ARAP1: variants seen among roughly 807,000 people sequenced by gnomAD.
ARAP1 encodes the protein ArfGAP with RhoGAP domain, ankyrin repeat and PH domain 1.
Under a neutral mutation model 172.2 loss-of-function variants are expected in ARAP1, and 76 were observed. That is an observed-to-expected ratio of 0.44 (90% CI 0.37 to 0.53). ARAP1 has a LOEUF of 0.53. Among genes scored for constraint, ARAP1 ranks in the 20% least tolerant of loss-of-function variants. The pLI is 0.00. For synonymous variants in ARAP1, 804 were observed against 803.3 expected, an observed-to-expected ratio of 1.00 and a Z score of -0.01; for missense variants, 1,686 against 1,977.5, an observed-to-expected ratio of 0.85 and a Z score of 2.80.
At chr11:72,747,779 G>A (rs764475971) in intron 1 of ARAP1, among the ~76,000 whole-genome samples, 29 of 152,330 alleles carry the variant, frequency 1.9e-4, no homozygotes, top group East Asian at 5.8e-4. Context: ...CCAGGGCCAC[G>A]GGGGCTCAGG....
chr11:72,733,551 C>T lies in ARAP1; in HGVS notation c.-127-954G>A, dbSNP rs117750756. Among the ~76,000 whole-genome samples the T allele has an allele frequency of 4.4e-3, 667 of 152,260 alleles. 4 individuals carry two copies. The highest frequency in any genetic ancestry group is 6.8e-3 in the Non-Finnish European group (460 of 68,020). ...AGAATAGGATATTCCTGACAGGCCA[C>T]CACCCTTGCTATGCAGACAGCCGGA... On this transcript the variant is annotated intron_variant, in intron 1 of 34. Coordinates refer to ENST00000393609, the MANE Select transcript of ARAP1 (RefSeq NM_001040118.3).
chr11:72,728,043 A>G (rs1857750789), intron 2 of ARAP1, among the ~76,000 whole-genome samples: 1 of 152,266 alleles, frequency 6.6e-6, no homozygotes, highest in South Asian at 2.1e-4. Context: ...AAATCTTACT[A>G]AAACAGAAAT....
intron 32 of ARAP1, 65 bp downstream of exon 32, chr11:72,687,623 C>T: frequency 6.2e-7 from 1 of 1,613,182 alleles, no homozygotes. Context: ...ATGAGGGACA[C>T]AATGAAGGGG....
At chr11:72,701,214 G>A (rs1205942692) in intron 16 of ARAP1, among the ~76,000 whole-genome samples, 1 of 151,628 alleles carries the variant, frequency 6.6e-6, no homozygotes, top group African/African-American at 2.4e-5. Flanking sequence ...CCGGCAGAGT[G>A]ATTAGGGGGG....
At chr11:72,707,912 C>T (rs191729140) in intron 11 of ARAP1, among the ~76,000 whole-genome samples, 60 of 152,030 alleles carry the variant, frequency 3.9e-4, no homozygotes, top group African/African-American at 5.5e-4. Flanking sequence ...AAGACTCCTC[C>T]GCCATCCCTA....
chr11:72,686,302 C>G (rs777095706), intron 33 of ARAP1, 111 bp from the exon 34 acceptor site: 56 of 1,387,654 alleles, frequency 4.0e-5, no homozygotes, highest in Non-Finnish European at 4.9e-5. Flanking sequence ...TGAGATGACA[C>G]CCTCAGCTTT....
chr11:72,736,095 T>C (rs1204501979), intron 1 of ARAP1, among the ~76,000 whole-genome samples: 1 of 152,252 alleles, frequency 6.6e-6, no homozygotes, highest in Non-Finnish European at 1.5e-5. Flanking sequence ...TGTTCCTCTC[T>C]TAATTTAAAA....
At chr11:72,696,908 C>T in intron 22 of ARAP1, 75 bp downstream of exon 22, 1 of 1,458,314 alleles carries the variant, frequency 6.9e-7, no homozygotes, top group Non-Finnish European at 9.3e-7. Flanking sequence ...AGTGCAAGTG[C>T]CACAAGGGAA....
chr11:72,717,764 T>A (rs542436088), intron 3 of ARAP1, among the ~76,000 whole-genome samples: 1 of 152,366 alleles, frequency 6.6e-6, no homozygotes, highest in East Asian at 1.9e-4. Context: ...CACAGCGCTC[T>A]GTAAGGCTTG....
chr11:72,719,942 C>T (rs575521960), intron 3 of ARAP1, among the ~76,000 whole-genome samples: 6 of 152,322 alleles, frequency 3.9e-5, no homozygotes, highest in Admixed American at 1.3e-4. Context: ...TCCCCACTAT[C>T]GCAGGCCTCC....
rs931034621 is a variant in ARAP1 at position 72,699,217 on chromosome 11, G to C, written c.2439-110C>G. 2 of 1,423,286 alleles carry C rather than the reference G, an allele frequency of 1.4e-6. No homozygotes were observed. Among genetic ancestry groups the C allele is most frequent in the Admixed American group, 1.8e-5 (1 of 55,606 alleles). 88.2% of individuals were successfully genotyped at this position (1,423,286 alleles called of 1,614,324 possible). ...CCCCCTCCGCACTGCCTTGGCGCTT[G>C]TCCTTATTCTGGTCCCCTAAGAGGT... On this transcript the variant is annotated intron_variant, in intron 17 of 34. Coordinates refer to ENST00000393609, the MANE Select transcript of ARAP1 (RefSeq NM_001040118.3). The surrounding 1 kb of genome is among the most constrained non-coding windows in gnomAD (Gnocchi z 4.2).
chr11:72,712,366 C>A, intron 6 of ARAP1, 27 bp from the exon 7 acceptor site: 1 of 1,541,668 alleles, frequency 6.5e-7, no homozygotes, highest in South Asian at 1.2e-5. Flanking sequence ...GGATGGGGGG[C>A]CGGGCTGAGG....
chr11:72,743,508 G>A (rs1858266651), intron 1 of ARAP1, among the ~76,000 whole-genome samples: 1 of 152,168 alleles, frequency 6.6e-6, no homozygotes, highest in Admixed American at 6.5e-5. Flanking sequence ...CTTTGGTCAG[G>A]GCCTGACCCC....
Position 72,697,485 on chromosome 11 carries a change from T to C in ARAP1, c.2791A>G (p.Thr931Ala), listed in dbSNP as rs758216839. The change falls in exon 21 of 35, where the codon ACA (threonine) becomes GCA (alanine). Residue 931 changes from threonine to alanine, a missense_variant and splice_region_variant. Physicochemically the swap from Thr to Ala is moderately conservative, Grantham distance 58. This residue lies in a region of ARAP1 where 274 missense variants were observed against 262.7 expected (regional missense o/e 1.04). Coordinates refer to ENST00000393609, the MANE Select transcript of ARAP1 (RefSeq NM_001040118.3). ...QVLVLVERRR[T>A]LYIQGERRLD... ...CGCCGCTCGCCCTGTATGTACAGTG[T>C]CCTGGGCCAGGGACAGTCAGTCACT... is the stretch of plus-strand genomic sequence containing the variant. The C allele has an allele frequency of 6.2e-6, 10 of 1,612,910 alleles. No individual in the cohort carries two copies. The African/African-American group carries it at 1.2e-4, about 19-fold the overall frequency.
chr11:72,693,600 C>T lies in ARAP1; in HGVS notation c.3808+92G>A. On this transcript the variant is annotated intron_variant, in intron 28 of 34. Coordinates refer to ENST00000393609, the MANE Select transcript of ARAP1 (RefSeq NM_001040118.3). This position sits in a 1 kb window ranked among gnomAD's most constrained non-coding sequence, Gnocchi z 4.6. ...GGCCCACCCACTTGGCGCCCTCTGT[C>T]TGAGCTGTTCCTACCTGGCACCACC... The T allele has an allele frequency of 1.3e-6, 2 of 1,531,400 alleles. No individual in the cohort carries two copies. Among genetic ancestry groups the T allele is most frequent in the Non-Finnish European group, 8.8e-7 (1 of 1,133,488 alleles). The allele number at this position is 1,531,400 out of a possible 1,614,324, so 94.9% of individuals were successfully genotyped here.
At chr11:72,696,472 A>C in intron 23 of ARAP1, 77 bp downstream of exon 23, 1 of 1,192,700 alleles carries the variant, frequency 8.4e-7, no homozygotes, top group Non-Finnish European at 1.2e-6. Context: ...CTCCCAGAGG[A>C]GGGTAGTCAG....
In ARAP1 at chr11:72,714,142, C is replaced by T. The variant is rs1591211778; in HGVS notation, c.679+10G>A. ...CACCCAGAGCCCCATCTCCTGGCTG[C>T]AGCACTCACCGAACTCTGGGAACAG... is the stretch of plus-strand genomic sequence containing the variant. On this transcript the variant is annotated intron_variant, in intron 4 of 34. Coordinates refer to ENST00000393609, the MANE Select transcript of ARAP1 (RefSeq NM_001040118.3). 6.8e-7 allele frequency: 1 copy of T among 1,464,854 alleles called. No homozygotes were observed. The highest frequency in any genetic ancestry group is 9.0e-7 in the Non-Finnish European group (1 of 1,113,330). The allele number at this position is 1,464,854 out of a possible 1,614,324, so 90.7% of individuals were successfully genotyped here.
At chr11:72,718,342 C>G (rs543403284) in intron 3 of ARAP1, among the ~76,000 whole-genome samples, 1 of 152,128 alleles carries the variant, frequency 6.6e-6, no homozygotes, top group African/African-American at 2.4e-5. Flanking sequence ...GCTTGCACCC[C>G]TAAGAGTAGG....
chr11:72,747,150 GA>G (rs1858393266), intron 1 of ARAP1, among the ~76,000 whole-genome samples: 1 of 152,202 alleles, frequency 6.6e-6, no homozygotes, highest in East Asian at 1.9e-4. Flanking sequence ...TTCCAGGTGT[GA>G]CCCCTGGTTC....
Sources: gnomAD v4.1 joint callset for allele counts (sites outside exome capture counted in the v4.1 genomes callset) on GRCh38, gnomAD v4.1.1 for gene constraint, gnomAD v4.1.1 regional missense constraint, Gnocchi (gnomAD v3.1) non-coding constraint, MANE v1.5 for transcripts, NCBI Gene and HGNC (gene_info 2026-07-23, HGNC 2026-07-21) for gene names.